Variants in ZFPM2 observed in about 807,000 individuals in gnomAD.
ZFPM2 encodes zinc finger protein, FOG family member 2.
In ZFPM2, 20 loss-of-function variants were observed where a neutral mutation model predicts 98.6. The observed-to-expected ratio is 0.20, with a 90% confidence interval of 0.14 to 0.29. ZFPM2 has a LOEUF of 0.29. Ranked by LOEUF, ZFPM2 falls within the 10% of genes least tolerant of loss-of-function variation. The pLI is 1.00. For synonymous variants in ZFPM2, 518 were observed against 502.7 expected, an observed-to-expected ratio of 1.03 and a Z score of -0.41; for missense variants, 1,310 against 1,388.6, an observed-to-expected ratio of 0.94 and a Z score of 0.90.
At chr8:105,727,954 TAA>T (rs547786397) in intron 5 of ZFPM2, among the ~76,000 whole-genome samples, 3 of 137,460 alleles carry the variant, frequency 2.2e-5, no homozygotes, top group African/African-American at 2.6e-5. Context: ...ATAGTATGAT[TAA>T]AAAAAAAAAA....
rs564483445 is a variant in ZFPM2, at chr8:105,598,835, T to A, written c.421-35411T>A. Among the ~76,000 whole-genome samples, 108 of 152,032 alleles carry A rather than the reference T, an allele frequency of 7.1e-4. 1 individual carries two copies. The East Asian group carries it at 0.02, about 28-fold the overall frequency. On this transcript the variant is annotated intron_variant, in intron 4 of 7. Transcript: ENST00000407775. ...TTACTTCTAGCAACCAATTACTACATACAAAAAAAACTTTCCCCAATTATG... is the reference window on the plus strand; with the variant it reads ...TTACTTCTAGCAACCAATTACTACAAACAAAAAAAACTTTCCCCAATTATG...
chr8:105,502,732 A>C, intron 3 of ZFPM2, among the ~76,000 whole-genome samples: 1 of 152,216 alleles, frequency 6.6e-6, no homozygotes, highest in East Asian at 1.9e-4. Flanking sequence ...GATGTAATCT[A>C]TCCGGACTTC....
At chr8:105,626,338 C>T (rs1403304095) in intron 4 of ZFPM2, among the ~76,000 whole-genome samples, 1 of 152,118 alleles carries the variant, frequency 6.6e-6, no homozygotes, top group Non-Finnish European at 1.5e-5. Context: ...TTTTCAAATT[C>T]AATTCACTGT....
At chr8:105,456,581 T>C (rs988264880) in intron 3 of ZFPM2, among the ~76,000 whole-genome samples, 3 of 152,206 alleles carry the variant, frequency 2.0e-5, no homozygotes, top group African/African-American at 7.2e-5. Context: ...GAGAAATTTG[T>C]ATTCCTGTAT....
chr8:105,494,303 T>C (rs1322855422), intron 3 of ZFPM2, among the ~76,000 whole-genome samples: 1 of 149,148 alleles, frequency 6.7e-6, no homozygotes, highest in Non-Finnish European at 1.5e-5. Context: ...GCATTACACT[T>C]TTCCGTGGAA....
At chr8:105,544,044 G>C (rs1814638705) in intron 3 of ZFPM2, among the ~76,000 whole-genome samples, 1 of 152,144 alleles carries the variant, frequency 6.6e-6, no homozygotes, top group Non-Finnish European at 1.5e-5. Flanking sequence ...CCTGCCTTTT[G>C]ATATCAGTTT....
Position 105,803,269 on chromosome 8 carries a change from AT to A in ZFPM2, c.3190del (p.Ser1064ProfsTer21). ...TGCTGCCAACCCACAGCAAGAGAAC[AT>A]TTCCCAGAATCCTCAGCACGAAGAC... ...RPAANPQQENISQNPQHEDDH... is the reference protein window; with the variant it reads ...RPAANPQQENXSQNPQHEDDH... On this transcript the variant is annotated frameshift_variant, in exon 8 of 8. Coordinates refer to ENST00000407775, the MANE Select transcript of ZFPM2 (RefSeq NM_012082.4). LOFTEE classifies it high-confidence loss of function. The A allele has an allele frequency of 6.3e-7, 1 of 1,598,624 alleles. No individual in the cohort carries two copies. The highest frequency in any genetic ancestry group is 2.2e-5 in the East Asian group (1 of 44,660).
intron 1 of ZFPM2, among the ~76,000 whole-genome samples, chr8:105,343,087 G>C (rs1378786102): frequency 6.6e-5 from 10 of 152,092 alleles, no homozygotes; most frequent in Admixed American, 5.3e-4. Flanking sequence ...GCAAAGCTCT[G>C]TGTAGGCTGG....
At chr8:105,359,227 C>T (rs1178413699) in intron 1 of ZFPM2, among the ~76,000 whole-genome samples, 1 of 152,134 alleles carries the variant, frequency 6.6e-6, no homozygotes, top group Non-Finnish European at 1.5e-5. Flanking sequence ...CCATGTAAGA[C>T]ATGCCTGCTT....
intron 2 of ZFPM2, among the ~76,000 whole-genome samples, chr8:105,431,861 A>G: frequency 6.6e-6 from 1 of 151,140 alleles, no homozygotes; most frequent in South Asian, 2.1e-4. Context: ...TTGAGGCCAC[A>G]GTGAGCCGTG....
chr8:105,515,917 T>C (rs1322067707), intron 3 of ZFPM2, among the ~76,000 whole-genome samples: 3 of 142,300 alleles, frequency 2.1e-5, no homozygotes, highest in African/African-American at 5.2e-5. Flanking sequence ...ACTTCTTTTT[T>C]TTTTTTTTTT....
chr8:105,487,236 C>T (rs963382433), intron 3 of ZFPM2, among the ~76,000 whole-genome samples: 1 of 152,136 alleles, frequency 6.6e-6, no homozygotes, highest in Non-Finnish European at 1.5e-5. Flanking sequence ...CCGCAGCCTC[C>T]TTACTCGAGT....
chr8:105,442,558 C>T (rs1345805657), intron 2 of ZFPM2, among the ~76,000 whole-genome samples: 1 of 151,984 alleles, frequency 6.6e-6, no homozygotes, highest in East Asian at 1.9e-4. Context: ...TCTGATAGTT[C>T]TGAAAGGAAA....
intron 4 of ZFPM2, among the ~76,000 whole-genome samples, chr8:105,595,162 G>T (rs1179284773): frequency 2.0e-5 from 3 of 152,128 alleles, no homozygotes; most frequent in Non-Finnish European, 4.4e-5. Flanking sequence ...TACAGTCTTA[G>T]CAGGCACTTG....
At chr8:105,596,003 GAAAA>G (rs34732263) in intron 4 of ZFPM2, among the ~76,000 whole-genome samples, 11 of 131,948 alleles carry the variant, frequency 8.3e-5, no homozygotes, top group East Asian at 2.3e-4. Flanking sequence ...CCTTTTATCT[GAAAA>G]AAAAAAAAAA....
intron 3 of ZFPM2, among the ~76,000 whole-genome samples, chr8:105,495,647 T>C (rs1240537302): frequency 6.6e-6 from 1 of 152,214 alleles, no homozygotes; most frequent in African/African-American, 2.4e-5. Context: ...TCTCAGTCTT[T>C]AGTCCACATC....
intron 4 of ZFPM2, among the ~76,000 whole-genome samples, chr8:105,580,976 A>G (rs1009463029): frequency 6.6e-6 from 1 of 151,956 alleles, no homozygotes; most frequent in African/African-American, 2.4e-5. Flanking sequence ...ATTTTATAAA[A>G]GACGAGTGAG....
intron 3 of ZFPM2, among the ~76,000 whole-genome samples, chr8:105,501,910 A>G (rs1453625603): frequency 6.6e-6 from 1 of 152,210 alleles, no homozygotes; most frequent in Non-Finnish European, 1.5e-5. Flanking sequence ...TAAAATAAAC[A>G]CAATGTTTTA....
chr8:105,760,696 A>G (rs1048669301), intron 5 of ZFPM2, among the ~76,000 whole-genome samples: 1 of 152,210 alleles, frequency 6.6e-6, no homozygotes, highest in Non-Finnish European at 1.5e-5. Context: ...ATAAGAAGAT[A>G]TATTTGAAAA....
Sources: gnomAD v4.1 joint callset for allele counts (sites outside exome capture counted in the v4.1 genomes callset) on GRCh38, gnomAD v4.1.1 for gene constraint, MANE v1.5 for transcripts, NCBI Gene and HGNC (gene_info 2026-07-23, HGNC 2026-07-21) for gene names.